Variants in ING3 observed in about 807,000 individuals in gnomAD.
ING3 encodes inhibitor of growth family member 3, also known as inhibitor of growth protein 3.
Under a neutral mutation model 64.8 loss-of-function variants are expected in ING3, and 6 were observed. The observed-to-expected ratio is 0.09, with a 90% CI of 0.05 to 0.18. The LOEUF is 0.18. ING3 is among the 10% of genes least tolerant of loss of function. The pLI is 1.00. For synonymous variants in ING3, 170 were observed against 173.7 expected (o/e 0.98, Z 0.17); for missense variants, 310 against 489.7 (o/e 0.63, Z 3.46).
At chr7:120,965,479 G>A (rs1463558268) in intron 5 of ING3, among the ~76,000 whole-genome samples, 2 of 152,220 alleles carry the variant, frequency 1.3e-5, no homozygotes, top group South Asian at 2.1e-4. Flanking sequence ...AACCTAAATA[G>A]GTAATGTACA....
At chr7:120,968,114 A>G (rs1040439613) in intron 8 of ING3, 23 bp downstream of exon 8, 10 of 1,595,636 alleles carry the variant, frequency 6.3e-6, no homozygotes, top group South Asian at 1.1e-5. Context: ...GGGTTTAGAG[A>G]CAAAATGTTA....
chr7:120,967,801 T>G, intron 7 of ING3, 133 bp from the exon 8 acceptor site: 1 of 1,219,980 alleles, frequency 8.2e-7, no homozygotes, highest in Non-Finnish European at 1.1e-6. Flanking sequence ...AATACATTAT[T>G]CAGTTGACTT....
rs200304406 is a variant in ING3 at position 120,968,021 on chromosome 7, C to G, written c.644C>G (p.Ser215Trp). Residue 215 changes from serine to tryptophan, a missense_variant, in exon 8 of 12, where the codon TCG (serine) becomes TGG (tryptophan). Physicochemically the swap from Ser to Trp is radical, Grantham distance 177. Coordinates refer to ENST00000315870, the MANE Select transcript of ING3 (RefSeq NM_019071.3). ...CCTCTGGGATCCTATAACATTGGCT[C>G]GTTATCTTCAGGAACTGGTGCAGGG... Reference protein sequence around the residue: ...SQPLGSYNIGSLSSGTGAGAI... With the variant: ...SQPLGSYNIGWLSSGTGAGAI... The G allele has an allele frequency of 6.2e-7, 1 of 1,614,036 alleles. No individual in the cohort carries two copies. The highest frequency in any genetic ancestry group is 2.2e-5 in the East Asian group (1 of 44,872).
chr7:120,966,348 G>A (rs1327353625), intron 5 of ING3, among the ~76,000 whole-genome samples: 1 of 152,118 alleles, frequency 6.6e-6, no homozygotes. Context: ...ACCCACTATG[G>A]TGAATTCCCT....
intron 1 of ING3, 35 bp from the exon 2 acceptor site, chr7:120,951,128 TG>T: frequency 6.2e-7 from 1 of 1,609,990 alleles, no homozygotes; most frequent in Non-Finnish European, 8.5e-7. Flanking sequence ...ATTTCGCCGT[TG>T]GCCCCGCCCC....
At chr7:120,970,944 AT>A in intron 10 of ING3, 64 bp downstream of exon 10, 1 of 1,381,910 alleles carries the variant, frequency 7.2e-7, no homozygotes, top group Non-Finnish European at 1.0e-6. Flanking sequence ...GAACTATTTC[AT>A]TTTTAAGCAC....
intron 4 of ING3, among the ~76,000 whole-genome samples, chr7:120,962,240 A>G (rs952666801): frequency 1.3e-5 from 2 of 152,178 alleles, no homozygotes; most frequent in Non-Finnish European, 2.9e-5. Context: ...TAGAAGAAAA[A>G]TAATGCTCAT....
chr7:120,959,483 C>T (rs1019284810), intron 4 of ING3, among the ~76,000 whole-genome samples: 2 of 152,034 alleles, frequency 1.3e-5, no homozygotes, highest in Non-Finnish European at 2.9e-5. Flanking sequence ...ATTTAAAACT[C>T]AAAGCATCTC....
At position 120,976,147 on chromosome 7, in the gene ING3, T is replaced by G. The variant is rs1267382658; in HGVS notation, c.*1303T>G. The stretch of plus-strand genomic sequence containing the variant: ...CTAAGGTGCTATTTAAATTATAAAT[T>G]TGCATAGTGGAGGTTTTATTTAAAG... On this transcript the variant is annotated 3_prime_UTR_variant, in exon 12 of 12. Coordinates refer to ENST00000315870, the MANE Select transcript of ING3 (RefSeq NM_019071.3). 1 of 152,172 alleles carries G rather than the reference T, an allele frequency of 6.6e-6. No individual in the cohort carries two copies. Among genetic ancestry groups the G allele is most frequent in the African/African-American group, 2.4e-5 (1 of 41,450 alleles). The allele number at this position is 152,172 out of a possible 1,614,324, so 9.4% of individuals were successfully genotyped here.
chr7:120,967,481 A>G (rs779850038), intron 6 of ING3, 48 bp from the exon 7 acceptor site: 3 of 1,373,002 alleles, frequency 2.2e-6, no homozygotes, highest in Non-Finnish European at 3.0e-6. Context: ...TGCCTTGTCC[A>G]TAGTTCTCTA....
At chr7:120,966,820 T>C in intron 6 of ING3, 123 bp downstream of exon 6, 1 of 725,516 alleles carries the variant, frequency 1.4e-6, no homozygotes, top group Non-Finnish European at 2.4e-6. Context: ...TTTTTTTTCA[T>C]TGCAAGTACT....
Position 120,970,715 on chromosome 7 carries a change from GTCA to G in ING3, c.942_944del (p.Ser321del), listed in dbSNP as rs758123882. 11 of 1,613,722 alleles carry G rather than the reference GTCA, an allele frequency of 6.8e-6. No homozygotes were observed. Among genetic ancestry groups the G allele is most frequent in the Admixed American group, 1.7e-5 (1 of 60,004 alleles). On this transcript the variant is annotated inframe_deletion, in exon 10 of 12. Transcript: ENST00000315870. ...ACAACAACAAGTCTTCAAGCCAGCA[GTCA>G]TCATCTTCCTCCTCCTCTTCTTCCT...
chr7:120,953,317 A>G lies in ING3; in HGVS notation c.114A>G (p.Gln38=), dbSNP rs765499968. 6.9e-6 allele frequency: 11 copies of G among 1,596,360 alleles called. No homozygotes were observed. The highest frequency in any genetic ancestry group is 2.3e-5 in the East Asian group (1 of 44,216). ...MDLQVQNAMD[Q]LEQRVSEFFM... ...ATTATGTCATAGATGCAATGGATCAACTAGAACAAAGAGTCAGTGAATTCT... is the reference window on the plus strand; with the variant it reads ...ATTATGTCATAGATGCAATGGATCAGCTAGAACAAAGAGTCAGTGAATTCT... The change falls in exon 3 of 12, where the codon CAA becomes CAG. Residue 38 remains glutamine, a synonymous_variant. Transcript: ENST00000315870.
In ING3 at chr7:120,969,129, C is replaced by A; in HGVS notation, c.833C>A (p.Ser278Tyr). ...MARETVGYSS[S>Y]SALMTTLTQN... ...AGGGAAACAGTTGGCTATTCATCAT[C>A]TTCGGCACTTATGACAACATTAACA... The change falls in exon 9 of 12, where the codon TCT becomes TAT. Residue 278 changes from serine (S) to tyrosine (Y), a missense_variant. Ser to Tyr is a moderately radical substitution (Grantham distance 144). Around this residue, in one of 3 missense-constraint regions of ING3, gnomAD observed 233 missense variants for 289.4 expected, o/e 0.81. Transcript: ENST00000315870. The A allele has an allele frequency of 6.2e-7, 1 of 1,614,048 alleles. No individual in the cohort carries two copies. Among genetic ancestry groups the A allele is most frequent in the Non-Finnish European group, 8.5e-7 (1 of 1,179,954 alleles).
In ING3 at chr7:120,962,284, A is replaced by G. The variant is rs189602122; in HGVS notation, c.268-2458A>G. On this transcript the variant is annotated intron_variant, in intron 4 of 11. Coordinates refer to ENST00000315870, the MANE Select transcript of ING3 (RefSeq NM_019071.3). Reference sequence around the variant, plus strand: ...AATTGCTTATAATATTAATCAGGTCATAATCTCTTTTACATATGAGGAAGT... The same window carrying G: ...AATTGCTTATAATATTAATCAGGTCGTAATCTCTTTTACATATGAGGAAGT... Among the ~76,000 whole-genome samples the G allele has an allele frequency of 4.1e-4, 63 of 152,282 alleles. 1 individual carries two copies. Among genetic ancestry groups the G allele is most frequent in the African/African-American group, 1.5e-3 (61 of 41,556 alleles).
At chr7:120,961,625 TTTTG>T in intron 4 of ING3, among the ~76,000 whole-genome samples, 1 of 152,312 alleles carries the variant, frequency 6.6e-6, no homozygotes, top group South Asian at 2.1e-4. Context: ...ATGAAGGATT[TTTTG>T]TTTGTTTTGT....
chr7:120,957,256 C>T (rs1013248632), intron 4 of ING3, among the ~76,000 whole-genome samples: 1 of 152,020 alleles, frequency 6.6e-6, no homozygotes, highest in African/African-American at 2.4e-5. Flanking sequence ...CCTGTAGTTC[C>T]AGCTACTCGG....
intron 4 of ING3, among the ~76,000 whole-genome samples, chr7:120,963,551 G>A (rs1795960904): frequency 6.6e-6 from 1 of 152,110 alleles, no homozygotes; most frequent in Non-Finnish European, 1.5e-5. Context: ...TTTCTGTAAT[G>A]CATTAGCTAT....
chr7:120,965,253 AT>A (rs1486013657), intron 5 of ING3, among the ~76,000 whole-genome samples: 14 of 152,318 alleles, frequency 9.2e-5, no homozygotes, highest in Admixed American at 7.2e-4. Flanking sequence ...CCTTAACTGC[AT>A]ATACTGAAAA....
Sources: allele counts gnomAD v4.1 joint callset (sites outside exome capture counted in the v4.1 genomes callset), GRCh38; gene constraint gnomAD v4.1.1; regional missense constraint gnomAD v4.1.1; transcripts MANE v1.5; gene names NCBI Gene and HGNC (gene_info 2026-07-23, HGNC 2026-07-21).